SHISA6: variants seen among roughly 807,000 people sequenced by gnomAD.
SHISA6 encodes shisa family member 6.
A neutral mutation model predicts 47.9 loss-of-function variants in SHISA6; 22 were observed. The ratio of observed to expected loss-of-function variants is 0.46; its 90% CI spans 0.33 to 0.66. SHISA6 has a LOEUF of 0.66. SHISA6 is among the 30% of genes least tolerant of loss of function. SHISA6 has a pLI of 0.02. For synonymous variants in SHISA6, 388 were observed against 337.8 expected, an observed-to-expected ratio of 1.15 and a Z score of -1.63; for missense variants, 680 against 764.6, an observed-to-expected ratio of 0.89 and a Z score of 1.30.
At chr17:11,427,966 C>A (rs148743450) in intron 3 of SHISA6, among the ~76,000 whole-genome samples, 1 of 152,050 alleles carries the variant, frequency 6.6e-6, no homozygotes, top group African/African-American at 2.4e-5. Flanking sequence ...AGAATAGCAA[C>A]GAGAGAGTAT....
intron 2 of SHISA6, among the ~76,000 whole-genome samples, chr17:11,350,938 T>C (rs1323455057): frequency 6.6e-6 from 1 of 152,146 alleles, no homozygotes; most frequent in African/African-American, 2.4e-5. Context: ...GTGGCACATA[T>C]ACACCATGGA....
intron 2 of SHISA6, among the ~76,000 whole-genome samples, chr17:11,318,203 T>C (rs1198970153): frequency 1.3e-5 from 2 of 152,192 alleles, no homozygotes; most frequent in Non-Finnish European, 2.9e-5. Context: ...CTTCAACACT[T>C]TGAAATCATC....
chr17:11,283,603 A>G (rs1368223295), intron 2 of SHISA6, among the ~76,000 whole-genome samples: 3 of 152,258 alleles, frequency 2.0e-5, no homozygotes, highest in African/African-American at 7.2e-5. Flanking sequence ...GTGTCAGCAG[A>G]TACTGCACAA....
At chr17:11,379,180 GTATA>G (rs1236545463) in intron 2 of SHISA6, among the ~76,000 whole-genome samples, 1 of 146,824 alleles carries the variant, frequency 6.8e-6, no homozygotes, top group African/African-American at 2.5e-5. Flanking sequence ...TGTATAATAT[GTATA>G]TATAATTATA....
intron 2 of SHISA6, among the ~76,000 whole-genome samples, chr17:11,316,560 A>G (rs1224101061): frequency 6.6e-6 from 1 of 151,542 alleles, no homozygotes; most frequent in Non-Finnish European, 1.5e-5. Context: ...AATGGGGATT[A>G]CAGGTGCGTG....
intron 3 of SHISA6, among the ~76,000 whole-genome samples, chr17:11,413,035 T>C (rs925393169): frequency 1.3e-5 from 2 of 152,172 alleles, no homozygotes; most frequent in African/African-American, 4.8e-5. Flanking sequence ...ATGACTTTGC[T>C]ACTCCTCACA....
chr17:11,370,094 T>TAA (rs1330179151), intron 2 of SHISA6, among the ~76,000 whole-genome samples: 3 of 152,166 alleles, frequency 2.0e-5, no homozygotes, highest in Non-Finnish European at 4.4e-5. Context: ...GTTGCAACAT[T>TAA]CTCTGACTTT....
chr17:11,243,381 G>A (rs1334670033), intron 1 of SHISA6, among the ~76,000 whole-genome samples: 2 of 151,732 alleles, frequency 1.3e-5, no homozygotes, highest in Non-Finnish European at 2.9e-5. Flanking sequence ...AATCCACAAA[G>A]GGTGGGTACC....
chr17:11,244,829 C>G (rs558364076), intron 1 of SHISA6, among the ~76,000 whole-genome samples: 9 of 152,246 alleles, frequency 5.9e-5, no homozygotes, highest in Non-Finnish European at 1.0e-4. Context: ...TGTGCTTCCC[C>G]CTGAAGATGA....
At chr17:11,451,003 A>AC (rs1163344491) in intron 3 of SHISA6, among the ~76,000 whole-genome samples, 1 of 151,244 alleles carries the variant, frequency 6.6e-6, no homozygotes, top group African/African-American at 2.4e-5. Flanking sequence ...ATTAAAAAAA[A>AC]AAAAAAAAAA....
At chr17:11,427,703 A>G (rs1011453754) in intron 3 of SHISA6, among the ~76,000 whole-genome samples, 2 of 152,150 alleles carry the variant, frequency 1.3e-5, no homozygotes, top group African/African-American at 2.4e-5. Flanking sequence ...TTAATGTACT[A>G]AAGGACTTGC....
intron 2 of SHISA6, among the ~76,000 whole-genome samples, chr17:11,350,170 A>ATTTTTTTTTTTTT (rs1295741204): frequency 9.5e-6 from 1 of 105,412 alleles, no homozygotes; most frequent in African/African-American, 4.0e-5. Flanking sequence ...TTATTTATTT[A>ATTTTTTTTTTTTT]TTTATTTATT....
chr17:11,260,056 A>C (rs1014079009), intron 1 of SHISA6, among the ~76,000 whole-genome samples: 1 of 152,226 alleles, frequency 6.6e-6, no homozygotes, highest in Non-Finnish European at 1.5e-5. Context: ...ATTAAGTGCT[A>C]TCCAAATGTA....
intron 5 of SHISA6, among the ~76,000 whole-genome samples, chr17:11,556,675 C>T (rs965086732): frequency 1.3e-4 from 20 of 152,178 alleles, no homozygotes; most frequent in African/African-American, 4.1e-4. Flanking sequence ...CATGGTGAAA[C>T]GTGGAGTCTC....
chr17:11,310,935 T>C (rs558784011), intron 2 of SHISA6, among the ~76,000 whole-genome samples: 22 of 151,858 alleles, frequency 1.4e-4, no homozygotes, highest in African/African-American at 4.3e-4. Context: ...GGTGAAACCC[T>C]GTCTCTACTA....
In SHISA6 at chr17:11,557,971, G is replaced by A. The variant is rs976070104; in HGVS notation, c.1323G>A (p.Leu441=). 1.9e-6 allele frequency: 3 copies of A among 1,551,396 alleles called. No individual in the cohort carries two copies. The highest frequency in any genetic ancestry group is 2.6e-6 in the Non-Finnish European group (3 of 1,146,944). The change falls in exon 6 of 6, where the codon CTG becomes CTA. Residue 441 remains leucine (L), a synonymous_variant. Coordinates refer to ENST00000441885, the MANE Select transcript of SHISA6 (RefSeq NM_207386.4). Reference sequence around the variant, plus strand: ...TCAGCATGCCCTACGACCGCATCCTGTCCGACGAGCAGCTGCTCTCCACGG... The same window carrying A: ...TCAGCATGCCCTACGACCGCATCCTATCCGACGAGCAGCTGCTCTCCACGG... ...DEFSMPYDRI[L]SDEQLLSTER...
chr17:11,389,706 T>G (rs1913324400), intron 3 of SHISA6, among the ~76,000 whole-genome samples: 1 of 152,180 alleles, frequency 6.6e-6, no homozygotes, highest in Admixed American at 6.5e-5. Context: ...TGGTGCCAAA[T>G]CTGAGCTTTC....
At chr17:11,485,170 T>C (rs926348915) in intron 3 of SHISA6, among the ~76,000 whole-genome samples, 1 of 152,184 alleles carries the variant, frequency 6.6e-6, no homozygotes, top group Non-Finnish European at 1.5e-5. Context: ...GAGGTGTTTT[T>C]ATTATTGGGA....
intron 1 of SHISA6, among the ~76,000 whole-genome samples, chr17:11,251,425 A>G (rs1472944330): frequency 2.1e-5 from 3 of 139,656 alleles, no homozygotes; most frequent in African/African-American, 8.0e-5. Flanking sequence ...TTAATTGAGA[A>G]AAAAAAAAAA....
Sources: gnomAD v4.1 joint callset for allele counts (sites outside exome capture counted in the v4.1 genomes callset) on GRCh38, gnomAD v4.1.1 for gene constraint, MANE v1.5 for transcripts, NCBI Gene and HGNC (gene_info 2026-07-23, HGNC 2026-07-21) for gene names.